The following MYH16 variants were observed in gnomAD, a reference collection of about 807,000 sequenced individuals.
MYH16 encodes myosin heavy chain 16.
At chr7:99,242,569 T>C (rs1345802602) in intron 1 of MYH16, among the ~76,000 whole-genome samples, 1 of 152,130 alleles carries the variant, frequency 6.6e-6, no homozygotes, top group Non-Finnish European at 1.5e-5. Context: ...GCCCAAGAGA[T>C]TGAAGCTGCA....
At chr7:99,265,806 C>T (rs1791981374) in intron 17 of MYH16, 1 of 152,690 alleles carries the variant, frequency 6.5e-6, no homozygotes, top group Non-Finnish European at 1.5e-5. Context: ...CCATCAGTCA[C>T]TACCTTAGTA....
chr7:99,283,404 C>T (rs1466947399), intron 23 of MYH16, among the ~76,000 whole-genome samples, 161 bp from the exon 6 acceptor site: 1 of 152,212 alleles, frequency 6.6e-6, no homozygotes, highest in Non-Finnish European at 1.5e-5. Context: ...TCTGGCCTTA[C>T]CCAGCGCCCA....
intron 11 of MYH16, among the ~76,000 whole-genome samples, chr7:99,259,777 T>C (rs1468313278): frequency 6.8e-6 from 1 of 148,140 alleles, no homozygotes; most frequent in East Asian, 1.9e-4. Context: ...TATACATATA[T>C]ACACGTATAT....
chr7:99,240,593 G>A (rs1791655949), intron 1 of MYH16, among the ~76,000 whole-genome samples: 1 of 152,306 alleles, frequency 6.6e-6, no homozygotes, highest in Admixed American at 6.5e-5. Flanking sequence ...GCTCAAGCCT[G>A]TAATCCCAGC....
At chr7:99,267,149 T>C (rs1791995849) in intron 18 of MYH16, among the ~76,000 whole-genome samples, 1 of 152,222 alleles carries the variant, frequency 6.6e-6, no homozygotes, top group Non-Finnish European at 1.5e-5. Flanking sequence ...GCCAGTCTCA[T>C]AGAATTTGGG....
intron 8 of MYH16, among the ~76,000 whole-genome samples, chr7:99,254,867 G>A (rs1052079837): frequency 6.6e-6 from 1 of 152,220 alleles, no homozygotes; most frequent in African/African-American, 2.4e-5. Flanking sequence ...AGGTGCAGTG[G>A]CTCATATCTG....
intron 13 of MYH16, among the ~76,000 whole-genome samples, chr7:99,262,212 A>G (rs1355254542): frequency 6.6e-6 from 1 of 152,068 alleles, no homozygotes; most frequent in Non-Finnish European, 1.5e-5. Context: ...TTTCCTTGGG[A>G]TTTTATTATC....
At chr7:99,239,680 A>G (rs981138816) in intron 1 of MYH16, among the ~76,000 whole-genome samples, 1 of 152,200 alleles carries the variant, frequency 6.6e-6, no homozygotes. Flanking sequence ...AGACCCCAAC[A>G]CTAAACAATG....
chr7:99,238,853 T>C (rs180811305), exon 1 of MYH16: 1 of 152,562 alleles, frequency 6.6e-6, no homozygotes, highest in Non-Finnish European at 1.5e-5. Flanking sequence ...CAAAGGGGAG[T>C]GTGGGGACGA....
rs1016405044 is a variant in MYH16, at chr7:99,301,997, A to G, written n.5137+193A>G. 6.6e-5 allele frequency among the ~76,000 whole-genome samples: 10 copies of G among 152,230 alleles called. No individual in the cohort carries two copies. In the East Asian group the frequency reaches 1.9e-3, roughly 29 times the overall value. On this transcript the variant is annotated intron_variant and non_coding_transcript_variant, in intron 38 of 41. Transcript: ENST00000439784. ...TTGTAAAATTGTGACTTAAAAGTCC[A>G]GGATATAAAATATATCCCAGCCTGG...
At chr7:99,283,633 G>A (rs1362773803) in exon 24 of MYH16, 2 of 456,630 alleles carry the variant, frequency 4.4e-6, no homozygotes, top group Non-Finnish European at 8.8e-6. Flanking sequence ...ACAGCAAGCT[G>A]AGCACGCAGA....
chr7:99,266,746 T>C (rs1305384662), intron 17 of MYH16: 1 of 152,624 alleles, frequency 6.6e-6, no homozygotes, highest in Non-Finnish European at 1.5e-5. Context: ...ACAAGTCTAA[T>C]CTCTGTCCAA....
At chr7:99,303,361 A>T (rs1478795860) in intron 39 of MYH16, among the ~76,000 whole-genome samples, 171 bp downstream of exon 20, 1 of 152,276 alleles carries the variant, frequency 6.6e-6, no homozygotes, top group African/African-American at 2.4e-5. Flanking sequence ...AGGCTTTTCT[A>T]AAAAAGCCAC....
chr7:99,309,243 G>A (rs373053693), downstream of MYH16, among the ~76,000 whole-genome samples: 3 of 152,154 alleles, frequency 2.0e-5, no homozygotes, highest in South Asian at 6.2e-4. Context: ...GACCTCCGTG[G>A]CTTCTGGGAA....
At chr7:99,279,482 C>A (rs758446396) in intron 21 of MYH16, 28 bp from the exon 4 acceptor site, 1 of 454,398 alleles carries the variant, frequency 2.2e-6, no homozygotes, top group South Asian at 1.6e-5. Context: ...TGGACCCTGT[C>A]CTCGACCGGG....
intron 23 of MYH16, 70 bp from the exon 6 acceptor site, chr7:99,283,495 C>T: frequency 6.7e-6 from 3 of 450,158 alleles, no homozygotes; most frequent in South Asian, 4.7e-5. Context: ...GAAGCGACGA[C>T]TGAGGATCAG....
intron 40 of MYH16, among the ~76,000 whole-genome samples, chr7:99,305,007 G>A (rs999959107): frequency 1.3e-5 from 2 of 151,936 alleles, no homozygotes; most frequent in Admixed American, 6.6e-5. Flanking sequence ...GCAACATAGT[G>A]AGACCTCCAT....
chr7:99,282,459 A>G (rs767990646), intron 23 of MYH16, among the ~76,000 whole-genome samples: 8 of 150,522 alleles, frequency 5.3e-5, no homozygotes, highest in African/African-American at 7.5e-5. Flanking sequence ...CTCTGGTCAT[A>G]ACATTTTATT....
chr7:99,309,508 A>C (rs1424738150), downstream of MYH16, among the ~76,000 whole-genome samples: 1 of 152,202 alleles, frequency 6.6e-6, no homozygotes, highest in Non-Finnish European at 1.5e-5. Flanking sequence ...TAGGTCAGGA[A>C]GTTAAGGAAA....
Sources: gnomAD v4.1 joint callset for allele counts (sites outside exome capture counted in the v4.1 genomes callset) on GRCh38, gnomAD v4.1.1 for gene constraint, MANE v1.5 for transcripts, NCBI Gene and HGNC (gene_info 2026-07-23, HGNC 2026-07-21) for gene names.